The following ZNF713 variants were observed in gnomAD, a reference collection of about 807,000 sequenced individuals.
ZNF713 encodes the protein zinc finger protein 713.
ZNF713 carries 21 observed loss-of-function variants against 28.7 expected under a neutral mutation model. That is an observed-to-expected ratio of 0.73 (90% CI 0.52 to 1.05). The LOEUF is 1.05. ZNF713 is among the 50% of genes least tolerant of loss of function. ZNF713 has a pLI of 0.00. For synonymous variants in ZNF713, 167 were observed against 178.0 expected (o/e 0.94, Z 0.49); for missense variants, 458 against 532.4 (o/e 0.86, Z 1.37).
chr7:55,887,752 G>GGCGGA (rs1785282398), intron 1 of ZNF713, 72 bp downstream of exon 1: 1 of 5,956 alleles, frequency 1.7e-4, no homozygotes, highest in Admixed American at 1.1e-3. Context: ...CGGAGGCGGG[G>GGCGGA]GGCGGAGGCG....
chr7:55,926,155 C>G (rs951880292), intron 6 of ZNF713, among the ~76,000 whole-genome samples: 13 of 151,998 alleles, frequency 8.6e-5, no homozygotes, highest in South Asian at 2.1e-4. Context: ...ACTAAAAATA[C>G]AAAAATTAGC....
At chr7:55,907,259 CT>C (rs1409585071) in intron 2 of ZNF713, among the ~76,000 whole-genome samples, 1 of 152,088 alleles carries the variant, frequency 6.6e-6, no homozygotes, top group Non-Finnish European at 1.5e-5. Context: ...GTGTTTCCTT[CT>C]TTTGGGGCAC....
chr7:55,926,136 C>T (rs1330543556), intron 6 of ZNF713, among the ~76,000 whole-genome samples: 1 of 152,040 alleles, frequency 6.6e-6, no homozygotes, highest in Non-Finnish European at 1.5e-5. Context: ...ATGGTGAAAC[C>T]CCATCTCTAC....
In ZNF713 at chr7:55,939,460, G is replaced by A. The variant is rs1381604626; in HGVS notation, c.786G>A (p.Glu262=). The change falls in exon 7 of 7, where the codon GAG becomes GAA. Residue 262 remains glutamate (E), a synonymous_variant. Transcript: ENST00000429591. ...DHIHTAEKPS[E]CGKAFSHTSS... The stretch of plus-strand genomic sequence containing the variant: ...TTCATACTGCAGAGAAACCCAGTGA[G>A]TGTGGGAAGGCCTTCAGCCACACCT... 1.9e-6 allele frequency: 3 copies of A among 1,614,104 alleles called. No individual in the cohort carries two copies. In the South Asian group the frequency reaches 3.3e-5, roughly 18 times the overall value.
intron 6 of ZNF713, among the ~76,000 whole-genome samples, chr7:55,930,874 C>T (rs969974434): frequency 6.6e-6 from 1 of 152,016 alleles, no homozygotes; most frequent in South Asian, 2.1e-4. Context: ...ACTATCTGGC[C>T]CTTTACAGAA....
chr7:55,906,760 CCT>C (rs1785686873), intron 2 of ZNF713, among the ~76,000 whole-genome samples: 1 of 152,180 alleles, frequency 6.6e-6, no homozygotes, highest in Non-Finnish European at 1.5e-5. Flanking sequence ...TATGGGGCGT[CCT>C]CTCGTAAATA....
At chr7:55,920,717 A>T (rs1391625691) in intron 4 of ZNF713, among the ~76,000 whole-genome samples, 2 of 152,248 alleles carry the variant, frequency 1.3e-5, no homozygotes, top group Admixed American at 1.3e-4. Flanking sequence ...TTCAGTGCAG[A>T]TGAAACAGCC....
At chr7:55,936,458 G>T (rs1262841200) in intron 6 of ZNF713, among the ~76,000 whole-genome samples, 1 of 152,102 alleles carries the variant, frequency 6.6e-6, no homozygotes, top group Non-Finnish European at 1.5e-5. Context: ...AATTAGTGAT[G>T]ATACTGCCTT....
intron 4 of ZNF713, among the ~76,000 whole-genome samples, chr7:55,915,012 G>A (rs547309517): frequency 2.0e-5 from 3 of 152,164 alleles, no homozygotes; most frequent in African/African-American, 4.8e-5. Context: ...GCGCCACCAC[G>A]CCCAGCTAAT....
chr7:55,932,097 A>G (rs1322156501), intron 6 of ZNF713, among the ~76,000 whole-genome samples: 16 of 152,210 alleles, frequency 1.1e-4, no homozygotes, highest in Admixed American at 9.8e-4. Flanking sequence ...AATCTTCTCA[A>G]TCAGGTATAA....
chr7:55,936,005 T>C (rs1786337767), intron 6 of ZNF713, among the ~76,000 whole-genome samples: 1 of 145,542 alleles, frequency 6.9e-6, no homozygotes, highest in Non-Finnish European at 1.5e-5. Flanking sequence ...TGGCTCACAC[T>C]TGTAATCCCA....
rs574879824 is a variant in ZNF713, at chr7:55,898,878, G to C, written c.-582-7375G>C. ...TGAAAAAATGCTTATCACTGATCTT[G>C]ATGGATATGCAGATTAAAACCACAA... On this transcript the variant is annotated intron_variant, in intron 1 of 6. Coordinates refer to ENST00000429591, the MANE Select transcript of ZNF713 (RefSeq NM_182633.3). Among the ~76,000 whole-genome samples, 4 of 152,190 alleles carry C rather than the reference G, an allele frequency of 2.6e-5. No homozygotes were observed. In the South Asian group the frequency reaches 8.3e-4, roughly 32 times the overall value.
intron 6 of ZNF713, among the ~76,000 whole-genome samples, chr7:55,938,609 A>T (rs1261506237): frequency 1.3e-5 from 2 of 151,430 alleles, no homozygotes; most frequent in African/African-American, 4.8e-5. Flanking sequence ...TATGAGATTT[A>T]TAAAGGCCTG....
chr7:55,899,611 G>A, intron 1 of ZNF713, among the ~76,000 whole-genome samples: 1 of 151,748 alleles, frequency 6.6e-6, no homozygotes, highest in East Asian at 2.0e-4. Context: ...GGCAGAGGTT[G>A]CAGTGAGCTG....
chr7:55,899,657 G>A (rs191238287), intron 1 of ZNF713, among the ~76,000 whole-genome samples: 1 of 151,900 alleles, frequency 6.6e-6, no homozygotes, highest in Non-Finnish European at 1.5e-5. Context: ...GGGCAACAGA[G>A]CGAGACTCCA....
intron 4 of ZNF713, among the ~76,000 whole-genome samples, chr7:55,919,493 T>TTTTTTGTTTTTTTTTG (rs1309591713): frequency 5.9e-5 from 1 of 16,848 alleles, no homozygotes. Context: ...CACTCCAGTT[T>TTTTTTGTTTTTTTTTG]TTTTTTTTTT....
chr7:55,908,578 A>T (rs989805585), intron 2 of ZNF713, among the ~76,000 whole-genome samples: 1 of 148,926 alleles, frequency 6.7e-6, no homozygotes, highest in Non-Finnish European at 1.5e-5. Context: ...GGCTGCTCGT[A>T]TGTCCCACTT....
chr7:55,909,193 C>T (rs539602481), intron 2 of ZNF713, among the ~76,000 whole-genome samples: 94 of 127,598 alleles, frequency 7.4e-4, no homozygotes, highest in South Asian at 2.7e-3. Flanking sequence ...AGCAAGACTC[C>T]GTCAAAAAAA....
At chr7:55,896,312 G>A (rs1785470343) in intron 1 of ZNF713, among the ~76,000 whole-genome samples, 1 of 152,116 alleles carries the variant, frequency 6.6e-6, no homozygotes, top group Admixed American at 6.5e-5. Flanking sequence ...TATCTTAACT[G>A]GATACTGTAA....
Sources: allele counts gnomAD v4.1 joint callset (sites outside exome capture counted in the v4.1 genomes callset), GRCh38; gene constraint gnomAD v4.1.1; transcripts MANE v1.5; gene names NCBI Gene and HGNC (gene_info 2026-07-23, HGNC 2026-07-21).